Variants in TSPAN9 observed in about 807,000 individuals in gnomAD.
The protein encoded by TSPAN9 is tetraspanin 9, also known as tetraspanin-9.
In TSPAN9, 16 loss-of-function variants were observed where a neutral mutation model predicts 31.0. The ratio of observed to expected loss-of-function variants is 0.52; its 90% CI spans 0.35 to 0.78. The LOEUF is 0.78. Among genes scored for constraint, TSPAN9 ranks in the 30% least tolerant of loss-of-function variants. The pLI is 0.01. For missense variants in TSPAN9, 272 were observed against 312.5 expected (o/e 0.87, Z 0.98); for synonymous variants, 145 against 121.6 (o/e 1.19, Z -1.27).
At chr12:3,281,968 G>T in intron 8 of TSPAN9, 151 bp downstream of exon 8, 2 of 874,894 alleles carry the variant, frequency 2.3e-6, no homozygotes, top group Non-Finnish European at 3.8e-6. Flanking sequence ...GCCTGCCACC[G>T]TTTCCGCAGA....
At chr12:3,248,636 C>CAT (rs1230623707) in intron 3 of TSPAN9, among the ~76,000 whole-genome samples, 41 of 128,926 alleles carry the variant, frequency 3.2e-4, no homozygotes, top group African/African-American at 9.8e-4. Context: ...TGGAATAGAT[C>CAT]ATATTTTTTT....
At chr12:3,112,587 CTT>C (rs148373735) in intron 2 of TSPAN9, among the ~76,000 whole-genome samples, 3,596 of 144,566 alleles carry the variant, frequency 0.025, 133 homozygotes, top group African/African-American at 0.088. Context: ...AATTATTTCT[CTT>C]TTTATTTAAA....
intron 3 of TSPAN9, among the ~76,000 whole-genome samples, chr12:3,243,366 G>T (rs2098397625): frequency 6.6e-6 from 1 of 152,084 alleles, no homozygotes; most frequent in African/African-American, 2.4e-5. Flanking sequence ...CAGGAGGCAG[G>T]GGCTCCTGTT....
In TSPAN9 at chr12:3,192,154, G is replaced by A. The variant is rs909238284; in HGVS notation, c.-17-9023G>A. Among the ~76,000 whole-genome samples, 3 of 152,116 alleles carry A rather than the reference G, an allele frequency of 2.0e-5. No homozygotes were observed. The highest frequency in any genetic ancestry group is 1.3e-4 in the Admixed American group (2 of 15,268). ...GAGAAAGGCAGGGATCAGTCATGCCGGCCGTTTAGGGTTGCTCTAAGGATT... is the reference window on the plus strand; with the variant it reads ...GAGAAAGGCAGGGATCAGTCATGCCAGCCGTTTAGGGTTGCTCTAAGGATT... On this transcript the variant is annotated intron_variant, in intron 2 of 8. Transcript: ENST00000011898. The surrounding 1 kb of genome is among the most constrained non-coding windows in gnomAD (Gnocchi z 4.6).
intron 3 of TSPAN9, among the ~76,000 whole-genome samples, chr12:3,241,167 T>G (rs1364654854): frequency 6.6e-6 from 1 of 152,142 alleles, no homozygotes; most frequent in African/African-American, 2.4e-5. Context: ...TGTCAAAGAT[T>G]TTATGTGTTA....
chr12:3,121,533 CTTTT>C (rs59376087), intron 2 of TSPAN9, among the ~76,000 whole-genome samples: 2,284 of 92,848 alleles, frequency 0.025, 137 homozygotes, highest in African/African-American at 0.082. Flanking sequence ...CTAATTAAAA[CTTTT>C]TTTTTTTTTT....
chr12:3,145,988 C>T (rs924584545), intron 2 of TSPAN9, among the ~76,000 whole-genome samples: 6 of 152,316 alleles, frequency 3.9e-5, no homozygotes, highest in East Asian at 3.9e-4. Flanking sequence ...CCACGGGGCA[C>T]GCGGGGCCTG....
intron 2 of TSPAN9, among the ~76,000 whole-genome samples, chr12:3,109,265 A>AGTGTGTGTGT (rs1461795540): frequency 5.6e-4 from 15 of 26,956 alleles, no homozygotes; most frequent in African/African-American, 2.6e-3. Flanking sequence ...TGTTTCATAT[A>AGTGTGTGTGT]GTCTGTGTGT....
In TSPAN9 at chr12:3,168,290, G is replaced by A. The variant is rs1403347058; in HGVS notation, c.-17-32887G>A. Among the ~76,000 whole-genome samples the A allele has an allele frequency of 6.6e-6, 1 of 152,168 alleles. No individual in the cohort carries two copies. The highest frequency in any genetic ancestry group is 1.5e-5 in the Non-Finnish European group (1 of 68,038). ...GCTTCAAACCTTTTTAGTTGCTAAG[G>A]TCTTCATAAAATCTCCCCTCTAGCG... On this transcript the variant is annotated intron_variant, in intron 2 of 8. Coordinates refer to ENST00000011898, the MANE Select transcript of TSPAN9 (RefSeq NM_006675.5). This position sits in a 1 kb window ranked among gnomAD's most constrained non-coding sequence, Gnocchi z 4.0.
chr12:3,193,856 GTCCA>G (rs1430822599), intron 2 of TSPAN9, among the ~76,000 whole-genome samples: 1 of 152,166 alleles, frequency 6.6e-6, no homozygotes, highest in Non-Finnish European at 1.5e-5. Context: ...CCTTCTGTCT[GTCCA>G]TCCATCCATC....
chr12:3,207,193 C>G (rs184458582), intron 3 of TSPAN9, among the ~76,000 whole-genome samples: 2 of 152,136 alleles, frequency 1.3e-5, no homozygotes, highest in Non-Finnish European at 2.9e-5. Flanking sequence ...TTTTGTTTTT[C>G]TGGCAGAGAC....
chr12:3,098,445 CA>C (rs1565574799), intron 2 of TSPAN9, among the ~76,000 whole-genome samples: 1 of 152,142 alleles, frequency 6.6e-6, no homozygotes, highest in Non-Finnish European at 1.5e-5. Context: ...GGAAAACTGC[CA>C]AATTTGCCTT....
At chr12:3,131,051 C>T (rs1038176898) in intron 2 of TSPAN9, among the ~76,000 whole-genome samples, 14 of 151,930 alleles carry the variant, frequency 9.2e-5, no homozygotes, top group African/African-American at 3.1e-4. Context: ...TGCATCTCCT[C>T]GCCTCCTTTG....
chr12:3,086,872 A>G (rs980468626), intron 2 of TSPAN9, among the ~76,000 whole-genome samples: 2 of 152,242 alleles, frequency 1.3e-5, no homozygotes, highest in Admixed American at 1.3e-4. Context: ...CCTCGTGGGC[A>G]GTGACCCTGG....
intron 2 of TSPAN9, among the ~76,000 whole-genome samples, chr12:3,128,510 GC>G (rs1200151813): frequency 3.9e-5 from 6 of 152,134 alleles, no homozygotes; most frequent in African/African-American, 1.4e-4. Context: ...GATTGCTTGA[GC>G]CCAGAAGTTC....
chr12:3,275,395 C>T (rs1368950901), intron 3 of TSPAN9, among the ~76,000 whole-genome samples: 2 of 152,072 alleles, frequency 1.3e-5, no homozygotes, highest in Non-Finnish European at 2.9e-5. Context: ...TCCCCTGCAG[C>T]GAGTACCTGC....
rs568970809 is a variant in TSPAN9 at position 3,278,260 on chromosome 12, G to A, written c.64-161G>A. Among the ~76,000 whole-genome samples the A allele has an allele frequency of 3.9e-5, 6 of 152,328 alleles. No homozygotes were observed. In the East Asian group the frequency reaches 9.6e-4, roughly 24 times the overall value. On this transcript the variant is annotated intron_variant, in intron 3 of 8. Transcript: ENST00000011898. ...AGGGGACTGTCTGGGTCACACAGCCGACATGCTTCGGGTCTGCAGCCCAAC... is the reference window on the plus strand; with the variant it reads ...AGGGGACTGTCTGGGTCACACAGCCAACATGCTTCGGGTCTGCAGCCCAAC...
At position 3,187,615 on chromosome 12, in the gene TSPAN9, C is replaced by T. The variant is rs1002957241; in HGVS notation, c.-17-13562C>T. Among the ~76,000 whole-genome samples the T allele has an allele frequency of 6.6e-6, 1 of 152,180 alleles. No individual in the cohort carries two copies. The highest frequency in any genetic ancestry group is 2.4e-5 in the African/African-American group (1 of 41,436). ...CCTCTTTTACAAACGGAGACAACTT[C>T]CCTGCTTATCTTGCAGGGGTGGGTG... is the stretch of plus-strand genomic sequence containing the variant. On this transcript the variant is annotated intron_variant, in intron 2 of 8. Transcript: ENST00000011898. The surrounding 1 kb of genome is among the most constrained non-coding windows in gnomAD (Gnocchi z 5.2).
chr12:3,234,195 T>C (rs986284254), intron 3 of TSPAN9, among the ~76,000 whole-genome samples: 2 of 152,234 alleles, frequency 1.3e-5, no homozygotes, highest in African/African-American at 2.4e-5. Context: ...GGCCATGCTG[T>C]TGAGAAGGTG....
Sources: allele counts gnomAD v4.1 joint callset (sites outside exome capture counted in the v4.1 genomes callset), GRCh38; gene constraint gnomAD v4.1.1; non-coding constraint Gnocchi (gnomAD v3.1); transcripts MANE v1.5; gene names NCBI Gene and HGNC (gene_info 2026-07-23, HGNC 2026-07-21).